AOX1: variants seen among roughly 807,000 people sequenced by gnomAD.
The protein encoded by AOX1 is aldehyde oxidase 1, also known as aldehyde oxidase.
AOX1 carries 153 observed loss-of-function variants against 169.5 expected under a neutral mutation model. The observed-to-expected ratio is 0.90, with a 90% CI of 0.79 to 1.03. AOX1 has a LOEUF of 1.03. Ranked by LOEUF, AOX1 falls within the 50% of genes least tolerant of loss-of-function variation. AOX1 has a pLI of 0.00. For missense variants in AOX1, 1,656 were observed against 1,663.9 expected (o/e 1.00, Z 0.08); for synonymous variants, 562 against 581.9 (o/e 0.97, Z 0.49).
At chr2:200,609,263 T>C in intron 11 of AOX1, 58 bp from the exon 12 acceptor site, 1 of 1,594,452 alleles carries the variant, frequency 6.3e-7, no homozygotes, top group Non-Finnish European at 8.6e-7. Context: ...TTAATCCTTA[T>C]TTTAGCACTT....
intron 8 of AOX1, 24 bp downstream of exon 8, chr2:200,604,121 A>C: frequency 1.3e-6 from 2 of 1,516,334 alleles, no homozygotes; most frequent in Non-Finnish European, 1.8e-6. Context: ...TGTTGAGCTC[A>C]TCCTAGAAGA....
In AOX1 at chr2:200,605,556, G is replaced by A; in HGVS notation, c.835G>A (p.Gly279Ser). The A allele has an allele frequency of 1.3e-6, 2 of 1,549,080 alleles. No individual in the cohort carries two copies. The highest frequency in any genetic ancestry group is 1.7e-6 in the Non-Finnish European group (2 of 1,148,096). Residue 279 changes from glycine to serine, a missense_variant, in exon 10 of 35, where the codon GGC becomes AGC. By Grantham distance (56) the Gly-to-Ser change is moderately conservative. Coordinates refer to ENST00000374700, the MANE Select transcript of AOX1 (RefSeq NM_001159.4). ...TTTAGGGCCTGAAGTGAAATTTAAA[G>A]GCGTCTTTCACCCAGTTATAATTTC... ...TSVGPEVKFK[G>S]VFHPVIISPD...
chr2:200,607,481 G>A (rs1027462882), intron 10 of AOX1, among the ~76,000 whole-genome samples: 13 of 152,184 alleles, frequency 8.5e-5, no homozygotes, highest in Non-Finnish European at 1.5e-4. Flanking sequence ...ATGCTGGCAA[G>A]GCTGTGGAGA....
At chr2:200,630,999 T>C (rs2035114532) in intron 20 of AOX1, among the ~76,000 whole-genome samples, 1 of 151,762 alleles carries the variant, frequency 6.6e-6, no homozygotes, top group Non-Finnish European at 1.5e-5. Flanking sequence ...ACCCCAGAAC[T>C]TAAAAGTTGA....
chr2:200,647,885 C>T (rs1201216233), intron 25 of AOX1, among the ~76,000 whole-genome samples: 1 of 152,132 alleles, frequency 6.6e-6, no homozygotes, highest in Non-Finnish European at 1.5e-5. Flanking sequence ...ACTACTGAGA[C>T]TTTCCAGAGC....
intron 31 of AOX1, among the ~76,000 whole-genome samples, chr2:200,663,568 A>ACT (rs1553579755): frequency 8.1e-6 from 1 of 123,510 alleles, no homozygotes; most frequent in Non-Finnish European, 1.8e-5. Context: ...ACACACACAC[A>ACT]CACACTCTCT....
intron 12 of AOX1, among the ~76,000 whole-genome samples, chr2:200,609,800 A>C (rs370466136): frequency 4.6e-5 from 7 of 152,210 alleles, no homozygotes; most frequent in Non-Finnish European, 5.9e-5. Flanking sequence ...CTTTGAGCTC[A>C]CACTTAATTT....
rs773924244 is a variant in AOX1 at position 200,597,516 on chromosome 2, G to A, written c.309+11G>A. 6.3e-7 allele frequency: 1 copy of A among 1,584,968 alleles called. No homozygotes were observed. Among genetic ancestry groups the A allele is most frequent in the South Asian group, 1.1e-5 (1 of 88,854 alleles). On this transcript the variant is annotated intron_variant, in intron 4 of 34. Coordinates refer to ENST00000374700, the MANE Select transcript of AOX1 (RefSeq NM_001159.4). ...ATTCATCCTGTTCAGGTGAGGATGTGCCTCTTCCTTATAGGCTTTCTGTGC... is the reference window on the plus strand; with the variant it reads ...ATTCATCCTGTTCAGGTGAGGATGTACCTCTTCCTTATAGGCTTTCTGTGC...
intron 3 of AOX1, among the ~76,000 whole-genome samples, chr2:200,595,668 G>T (rs1392628430): frequency 1.3e-5 from 2 of 149,588 alleles, no homozygotes; most frequent in South Asian, 4.2e-4. Context: ...GTCCAGCCTG[G>T]GCAACACAGC....
chr2:200,595,246 A>G lies in AOX1; in HGVS notation c.104-26A>G, dbSNP rs751884198. ...CTAGAAAGAGAATTACATAACACATATGATCTTTAACTATACCTCTTCCAG... is the reference window on the plus strand; with the variant it reads ...CTAGAAAGAGAATTACATAACACATGTGATCTTTAACTATACCTCTTCCAG... On this transcript the variant is annotated intron_variant, in intron 2 of 34. Coordinates refer to ENST00000374700, the MANE Select transcript of AOX1 (RefSeq NM_001159.4). 8.8e-6 allele frequency: 14 copies of G among 1,583,090 alleles called. No individual in the cohort carries two copies. The East Asian group carries it at 3.1e-4, about 35-fold the overall frequency.
intron 1 of AOX1, among the ~76,000 whole-genome samples, chr2:200,590,929 G>A (rs1207438241): frequency 6.6e-6 from 1 of 152,122 alleles, no homozygotes; most frequent in Non-Finnish European, 1.5e-5. Flanking sequence ...AACTGCTGGG[G>A]TTCTAGCCAT....
intron 28 of AOX1, among the ~76,000 whole-genome samples, chr2:200,659,786 T>TCACACACACATA (rs1553578806): frequency 7.3e-5 from 7 of 96,104 alleles, no homozygotes; most frequent in African/African-American, 1.1e-4. Context: ...GTTCTCTCTC[T>TCACACACACATA]CACACACACA....
chr2:200,669,812 A>G (rs1250503973), intron 34 of AOX1, 70 bp downstream of exon 34: 3 of 1,542,116 alleles, frequency 1.9e-6, no homozygotes, highest in Non-Finnish European at 2.6e-6. Flanking sequence ...TTCTTGTGGT[A>G]AGTTTTCGTG....
At chr2:200,606,777 T>C (rs1384909991) in intron 10 of AOX1, among the ~76,000 whole-genome samples, 1 of 152,202 alleles carries the variant, frequency 6.6e-6, no homozygotes, top group Non-Finnish European at 1.5e-5. Flanking sequence ...GATTTGGCTC[T>C]CTGCTTGTCT....
At position 200,623,763 on chromosome 2, in the gene AOX1, C is replaced by T. The variant is rs184741887; in HGVS notation, c.2002-98C>T. The T allele has an allele frequency of 4.5e-4, 697 of 1,562,184 alleles. 5 individuals are homozygous for T. The highest frequency in any genetic ancestry group is 1.4e-4 in the Non-Finnish European group (156 of 1,139,966). On this transcript the variant is annotated intron_variant, in intron 18 of 34. Transcript: ENST00000374700. The stretch of plus-strand genomic sequence containing the variant: ...ACACCTGTGTGTATCTAGCCCTAGC[C>T]CTACTGTAATCGAGTACTAGGAGGG...
At chr2:200,652,524 G>A (rs969044513) in intron 26 of AOX1, among the ~76,000 whole-genome samples, 1 of 152,164 alleles carries the variant, frequency 6.6e-6, no homozygotes, top group Admixed American at 6.5e-5. Context: ...GAATTTTGGG[G>A]TAAACTGATT....
At chr2:200,600,479 G>GC (rs1019101687) in intron 5 of AOX1, among the ~76,000 whole-genome samples, 3 of 151,692 alleles carry the variant, frequency 2.0e-5, no homozygotes, top group African/African-American at 7.3e-5. Flanking sequence ...ATGTGGCGGG[G>GC]GGGGACATCC....
At chr2:200,672,541 T>C (rs2036044426), downstream of AOX1, among the ~76,000 whole-genome samples, 1 of 152,256 alleles carries the variant, frequency 6.6e-6, no homozygotes, top group Non-Finnish European at 1.5e-5. Flanking sequence ...TAGAGCATTT[T>C]ACTCTGTGCC....
chr2:200,638,187 T>C (rs764101388), intron 22 of AOX1, 28 bp from the exon 23 acceptor site: 1 of 1,607,414 alleles, frequency 6.2e-7, no homozygotes, highest in South Asian at 1.1e-5. Context: ...TAAAAGAGGT[T>C]ACCTCACTTA....
Sources: allele counts gnomAD v4.1 joint callset (sites outside exome capture counted in the v4.1 genomes callset), GRCh38; gene constraint gnomAD v4.1.1; transcripts MANE v1.5; gene names NCBI Gene and HGNC (gene_info 2026-07-23, HGNC 2026-07-21).